USP54: variants seen among roughly 807,000 people sequenced by gnomAD.
The protein encoded by USP54 is ubiquitin specific peptidase 54.
In USP54, 87 loss-of-function variants were observed where a neutral mutation model predicts 170.5. The observed-to-expected ratio is 0.51, with a 90% confidence interval of 0.43 to 0.61. The LOEUF is 0.61. Ranked by LOEUF, USP54 falls within the 20% of genes least tolerant of loss-of-function variation. The pLI, the probability that USP54 is intolerant of heterozygous loss-of-function variation, is 0.00. For missense variants in USP54, 1,786 were observed against 2,047.8 expected, an observed-to-expected ratio of 0.87 and a Z score of 2.47; for synonymous variants, 655 against 742.8, an observed-to-expected ratio of 0.88 and a Z score of 1.92.
intron 4 of USP54, among the ~76,000 whole-genome samples, chr10:73,552,103 T>C (rs1429932609): frequency 6.6e-6 from 1 of 152,188 alleles, no homozygotes; most frequent in Non-Finnish European, 1.5e-5. Flanking sequence ...GGAGCTAAAA[T>C]GGGTTCAAAA....
intron 1 of USP54, among the ~76,000 whole-genome samples, chr10:73,609,724 A>G: frequency 6.6e-6 from 1 of 151,882 alleles, no homozygotes; most frequent in South Asian, 2.1e-4. Flanking sequence ...GGCACCTATA[A>G]TCCCAGCTAC....
At position 73,576,340 on chromosome 10, in the gene USP54, A is replaced by C. The variant is rs1368254736; in HGVS notation, c.-560T>G. ...TCTCTCCTCTTTCTTCTGGGACTAG[A>C]ATAGCCAGCTGTGTCAGAGAGCTTT... On this transcript the variant is annotated 5_prime_UTR_variant, in exon 2 of 24. In the 5' UTR this introduces an upstream ATG that the reference lacks. Coordinates refer to ENST00000687698, the MANE Select transcript of USP54 (RefSeq NM_001391956.1). The C allele has an allele frequency of 1.3e-5, 2 of 152,202 alleles. No homozygotes were observed. The highest frequency in any genetic ancestry group is 2.1e-4 in the South Asian group (1 of 4,830). 9.4% of individuals were successfully genotyped at this position (152,202 alleles called of 1,614,324 possible).
chr10:73,509,662 T>C (rs1197608017), intron 20 of USP54, among the ~76,000 whole-genome samples: 1 of 152,008 alleles, frequency 6.6e-6, no homozygotes, highest in Non-Finnish European at 1.5e-5. Flanking sequence ...CATGCCAAAT[T>C]ATTTATGAAT....
intron 1 of USP54, among the ~76,000 whole-genome samples, chr10:73,618,113 A>G (rs1317349480): frequency 6.7e-6 from 1 of 149,930 alleles, no homozygotes; most frequent in African/African-American, 2.5e-5. Flanking sequence ...CGAGAGGCTG[A>G]GGCAGGAAAA....
intron 4 of USP54, among the ~76,000 whole-genome samples, chr10:73,565,515 CAAATAAAT>C (rs577102867): frequency 6.6e-6 from 1 of 151,818 alleles, no homozygotes; most frequent in Non-Finnish European, 1.5e-5. Context: ...GATCCTATTT[CAAATAAAT>C]AAATAAATAA....
At chr10:73,586,909 G>A (rs2077550343) in intron 1 of USP54, among the ~76,000 whole-genome samples, 2 of 152,154 alleles carry the variant, frequency 1.3e-5, no homozygotes, top group Admixed American at 6.5e-5. Flanking sequence ...CAGAAGAATT[G>A]TATGCTGATA....
intron 1 of USP54, among the ~76,000 whole-genome samples, 169 bp from the exon 2 acceptor site, chr10:73,576,530 A>C (rs1012542766): frequency 2.0e-5 from 3 of 151,656 alleles, no homozygotes; most frequent in Admixed American, 1.3e-4. Context: ...AGAGAGAGAC[A>C]CCCAAACTAA....
Position 73,616,316 on chromosome 10 carries a change from C to T in USP54, c.-18+9251G>A, listed in dbSNP as rs1176185296. On this transcript the variant is annotated intron_variant, in intron 1 of 22. Transcript: ENST00000339859. ...TTGCGCCACTGCACTCCAGCCTAGGCGACAGCAAGACTCCATCTCAAAAAA... is the reference window on the plus strand; with the variant it reads ...TTGCGCCACTGCACTCCAGCCTAGGTGACAGCAAGACTCCATCTCAAAAAA... Among the ~76,000 whole-genome samples, 5 of 119,288 alleles carry T rather than the reference C, an allele frequency of 4.2e-5. 1 individual carries two copies. Among genetic ancestry groups the T allele is most frequent in the African/African-American group, 1.5e-4 (4 of 26,342 alleles). 78.3% of individuals were successfully genotyped at this position (119,288 alleles called of 152,430 possible).
chr10:73,598,635 G>A (rs2078925247), intron 1 of USP54, among the ~76,000 whole-genome samples: 1 of 151,836 alleles, frequency 6.6e-6, no homozygotes, highest in Non-Finnish European at 1.5e-5. Flanking sequence ...AAATTGGTCA[G>A]GCACAGCGGC....
At chr10:73,561,460 A>AT (rs995390813) in intron 4 of USP54, among the ~76,000 whole-genome samples, 14 of 151,886 alleles carry the variant, frequency 9.2e-5, no homozygotes, top group Admixed American at 3.9e-4. Flanking sequence ...TCCTGTCTCC[A>AT]TTTTTTTTAA....
Position 73,517,659 on chromosome 10 carries a change from A to G in USP54, c.2767T>C (p.Phe923Leu). ...TCATGGCAGGAAGCAGGTGAATGGA[A>G]GAAAGAACTGGCCCCAAACTCTGTA... Reference protein sequence around the residue: ...MDTEFGASSFFHSPASCHESH... With the variant: ...MDTEFGASSFLHSPASCHESH... The change falls in exon 20 of 24, where the codon TTC becomes CTC. Residue 923 changes from phenylalanine to leucine, a missense_variant. Phe to Leu is a conservative substitution (Grantham distance 22). Transcript: ENST00000687698. 1 of 1,614,232 alleles carries G rather than the reference A, an allele frequency of 6.2e-7. No individual in the cohort carries two copies. Among genetic ancestry groups the G allele is most frequent in the Non-Finnish European group, 8.5e-7 (1 of 1,180,050 alleles).
At chr10:73,520,249 A>C (rs2061691986) in intron 18 of USP54, among the ~76,000 whole-genome samples, 1 of 152,176 alleles carries the variant, frequency 6.6e-6, no homozygotes, top group African/African-American at 2.4e-5. Context: ...CAAGAAGATA[A>C]ACCAGTGCCT....
rs2057404496 is a variant in USP54 at position 73,498,556 on chromosome 10, G to A, written c.*73C>T. ...CCCAAAGTGCTGGGATTACAGGTGT[G>A]AGCCACCGCGCCCGGCCCACAGTAC... is the stretch of plus-strand genomic sequence containing the variant. On this transcript the variant is annotated 3_prime_UTR_variant, in exon 24 of 24. Transcript: ENST00000687698. 4.1e-6 allele frequency: 6 copies of A among 1,450,224 alleles called. No homozygotes were observed. The highest frequency in any genetic ancestry group is 5.5e-6 in the Non-Finnish European group (6 of 1,087,070). 89.8% of individuals were successfully genotyped at this position (1,450,224 alleles called of 1,614,324 possible). A position where few individuals can be genotyped will look rare whatever the true frequency, so the allele number is the denominator to read the frequency against.
intron 20 of USP54, chr10:73,506,357 T>C (rs563174408): frequency 2.0e-5 from 3 of 152,334 alleles, no homozygotes; most frequent in African/African-American, 4.8e-5. Flanking sequence ...AATGCTTACC[T>C]CTTTTCAAAA....
At position 73,529,972 on chromosome 10, in the gene USP54, A is replaced by C. The variant is rs1174341593; in HGVS notation, c.1829-61T>G. The C allele has an allele frequency of 2.0e-6, 3 of 1,501,406 alleles. No individual in the cohort carries two copies. In the African/African-American group the frequency reaches 4.2e-5, roughly 21 times the overall value. The allele number at this position is 1,501,406 out of a possible 1,614,324, so 93.0% of individuals were successfully genotyped here. On this transcript the variant is annotated intron_variant, in intron 14 of 23. Transcript: ENST00000687698. ...TAGATTTAGCATTTGCCTAAAATCA[A>C]GACCTAACTAGCTCCTCCCTCTAGC...
chr10:73,541,858 C>G (rs2066665748), intron 7 of USP54, 120 bp from the exon 8 acceptor site: 1 of 936,816 alleles, frequency 1.1e-6, no homozygotes, highest in African/African-American at 1.6e-5. Flanking sequence ...TATACCAAAG[C>G]CCCTGACCAG....
At chr10:73,528,927 T>G (rs1199171164) in intron 15 of USP54, 4 of 152,248 alleles carry the variant, frequency 2.6e-5, no homozygotes, top group Admixed American at 6.5e-5. Flanking sequence ...CCCATTTTTT[T>G]TGTTTTTGTG....
chr10:73,586,816 A>T (rs1222029955), intron 1 of USP54, among the ~76,000 whole-genome samples: 1 of 152,162 alleles, frequency 6.6e-6, no homozygotes, highest in Non-Finnish European at 1.5e-5. Flanking sequence ...GTTATCTTAA[A>T]CTCTCCAGCG....
chr10:73,526,498 C>T lies in USP54; in HGVS notation c.2194+149G>A, dbSNP rs751609422. 5 of 1,095,646 alleles carry T rather than the reference C, an allele frequency of 4.6e-6. No homozygotes were observed. The East Asian group carries it at 8.3e-5, about 18-fold the overall frequency. 67.9% of individuals were successfully genotyped at this position (1,095,646 alleles called of 1,614,324 possible). On this transcript the variant is annotated intron_variant, in intron 16 of 23. Coordinates refer to ENST00000687698, the MANE Select transcript of USP54 (RefSeq NM_001391956.1). ...CTGAGCTCAGGCAATCTGCCTGCCT[C>T]GGCCTCCCAAAGTGCTGGGATTACA...
Sources: gnomAD v4.1 joint callset for allele counts (sites outside exome capture counted in the v4.1 genomes callset) on GRCh38, gnomAD v4.1.1 for gene constraint, MANE v1.5 for transcripts, NCBI Gene and HGNC (gene_info 2026-07-23, HGNC 2026-07-21) for gene names.